STK39: variants seen among roughly 807,000 people sequenced by gnomAD.
STK39 encodes STE20/SPS1-related proline-alanine-rich protein kinase.
A neutral mutation model predicts 77.8 loss-of-function variants in STK39; 20 were observed. The observed-to-expected ratio is 0.26, with a 90% CI of 0.18 to 0.37. STK39 has a LOEUF of 0.37. STK39 is among the 10% of genes least tolerant of loss of function. The pLI is 1.00. For missense variants in STK39, 479 were observed against 656.5 expected (o/e 0.73, Z 2.95); for synonymous variants, 246 against 234.1 (o/e 1.05, Z -0.47).
intron 1 of STK39, among the ~76,000 whole-genome samples, chr2:168,198,700 C>T (rs1559142762): frequency 6.6e-6 from 1 of 152,212 alleles, no homozygotes; most frequent in Non-Finnish European, 1.5e-5. Context: ...GCACATCGCA[C>T]TCACTGGCAC....
chr2:168,011,510 C>T (rs993245577), intron 16 of STK39, among the ~76,000 whole-genome samples: 9 of 151,982 alleles, frequency 5.9e-5, no homozygotes, highest in Non-Finnish European at 4.4e-5. Context: ...TATGATTATA[C>T]AGTAATACAT....
Position 168,130,548 on chromosome 2 carries a change from G to A in STK39, c.975-790C>T, listed in dbSNP as rs555514632. Among the ~76,000 whole-genome samples the A allele has an allele frequency of 7.9e-5, 12 of 152,242 alleles. No individual in the cohort carries two copies. The South Asian group carries it at 2.5e-3, about 32-fold the overall frequency. On this transcript the variant is annotated intron_variant, in intron 8 of 17. Transcript: ENST00000355999. ...GCTAAATTTAACCATCAGTCCCCAG[G>A]CACCAAATCTCTCCCTTGCAAAGGT...
intron 10 of STK39, among the ~76,000 whole-genome samples, chr2:168,081,175 C>T (rs1439146202): frequency 1.3e-5 from 2 of 152,142 alleles, no homozygotes. Flanking sequence ...GATCCACCTA[C>T]AGCTTGCACC....
chr2:167,967,677 T>TC (rs1319192059), intron 16 of STK39, among the ~76,000 whole-genome samples: 4 of 152,170 alleles, frequency 2.6e-5, no homozygotes, highest in African/African-American at 9.6e-5. Flanking sequence ...CTAGGGGTAA[T>TC]CCACTGGAGG....
chr2:167,959,126 ATT>A (rs1691867239), intron 17 of STK39, among the ~76,000 whole-genome samples: 1 of 151,536 alleles, frequency 6.6e-6, no homozygotes, highest in Non-Finnish European at 1.5e-5. Context: ...TTATTTATTT[ATT>A]TATATTTTTT....
At chr2:167,963,878 C>T (rs1407679333) in intron 17 of STK39, among the ~76,000 whole-genome samples, 1 of 152,196 alleles carries the variant, frequency 6.6e-6, no homozygotes, top group African/African-American at 2.4e-5. Flanking sequence ...AAGTGTTGGT[C>T]ATCTAGATCT....
intron 16 of STK39, among the ~76,000 whole-genome samples, chr2:167,988,450 A>G (rs964087614): frequency 2.6e-5 from 4 of 152,152 alleles, no homozygotes. Flanking sequence ...AAATCCCATC[A>G]TCTTTCTGAT....
intron 15 of STK39, among the ~76,000 whole-genome samples, chr2:168,014,788 A>G (rs922793982): frequency 6.6e-6 from 1 of 152,256 alleles, no homozygotes; most frequent in Non-Finnish European, 1.5e-5. Flanking sequence ...CATCACTTCT[A>G]AAGTATCAGT....
At chr2:168,148,296 C>T (rs1688194118) in intron 5 of STK39, among the ~76,000 whole-genome samples, 1 of 152,118 alleles carries the variant, frequency 6.6e-6, no homozygotes, top group Non-Finnish European at 1.5e-5. Flanking sequence ...TGGAGCCTGA[C>T]CATCATCAGA....
At chr2:168,079,068 T>G (rs1052745575) in intron 10 of STK39, among the ~76,000 whole-genome samples, 1 of 152,224 alleles carries the variant, frequency 6.6e-6, no homozygotes, top group South Asian at 2.1e-4. Flanking sequence ...CTGTTTATCA[T>G]GTACTTGAGG....
intron 10 of STK39, chr2:168,112,883 G>A (rs1687156905): frequency 6.6e-6 from 1 of 152,188 alleles, no homozygotes; most frequent in South Asian, 2.1e-4. Context: ...TGAGGGATCA[G>A]GGGATTACTC....
At chr2:168,065,716 AC>A (rs1196699451) in intron 12 of STK39, among the ~76,000 whole-genome samples, 1 of 152,190 alleles carries the variant, frequency 6.6e-6, no homozygotes, top group East Asian at 1.9e-4. Flanking sequence ...AAATTTGATA[AC>A]CAAAAGATGT....
At chr2:168,011,483 T>G (rs925908404) in intron 16 of STK39, among the ~76,000 whole-genome samples, 4 of 152,142 alleles carry the variant, frequency 2.6e-5, no homozygotes, top group African/African-American at 7.2e-5. Flanking sequence ...TAACTAATCT[T>G]GATTAGTTAG....
At chr2:168,151,305 C>T (rs1351299654) in intron 5 of STK39, among the ~76,000 whole-genome samples, 1 of 152,096 alleles carries the variant, frequency 6.6e-6, no homozygotes, top group African/African-American at 2.4e-5. Flanking sequence ...ATAAAAGAAA[C>T]ACAAAGAAGC....
At chr2:168,010,451 T>C (rs1684243307) in intron 16 of STK39, among the ~76,000 whole-genome samples, 1 of 152,276 alleles carries the variant, frequency 6.6e-6, no homozygotes, top group Non-Finnish European at 1.5e-5. Flanking sequence ...TCAATCTTTT[T>C]TCTCAGCTTC....
chr2:168,071,295 C>T (rs1334398564), intron 12 of STK39, among the ~76,000 whole-genome samples: 1 of 152,062 alleles, frequency 6.6e-6, no homozygotes, highest in African/African-American at 2.4e-5. Context: ...CAATTCATGT[C>T]ATCAGTGAAC....
At chr2:167,957,641 G>A (rs544120256) in intron 17 of STK39, among the ~76,000 whole-genome samples, 26 of 152,278 alleles carry the variant, frequency 1.7e-4, no homozygotes, top group African/African-American at 6.0e-4. Flanking sequence ...ATGGCTGCTG[G>A]TGGTGACAAA....
At chr2:168,194,916 G>A (rs931955997) in intron 1 of STK39, among the ~76,000 whole-genome samples, 1 of 152,084 alleles carries the variant, frequency 6.6e-6, no homozygotes, top group Non-Finnish European at 1.5e-5. Context: ...ACAGCCTGAG[G>A]CCCAGGTCCC....
intron 10 of STK39, among the ~76,000 whole-genome samples, chr2:168,125,881 A>T (rs562664564): frequency 1.3e-5 from 2 of 152,298 alleles, no homozygotes; most frequent in East Asian, 3.9e-4. Context: ...TTGGCCAAAC[A>T]TGAGTATGAC....
Sources: allele counts gnomAD v4.1 joint callset (sites outside exome capture counted in the v4.1 genomes callset), GRCh38; gene constraint gnomAD v4.1.1; transcripts MANE v1.5; gene names NCBI Gene and HGNC (gene_info 2026-07-23, HGNC 2026-07-21).